Variants in MTMR7 observed in about 807,000 individuals in gnomAD.
The protein encoded by MTMR7 is phosphatidylinositol-3-phosphate phosphatase MTMR7.
A neutral mutation model predicts 81.2 loss-of-function variants in MTMR7; 76 were observed. The observed-to-expected ratio is 0.94, with a 90% CI of 0.78 to 1.13. The LOEUF is 1.13. Among genes scored for constraint, MTMR7 ranks in the 50% most tolerant of loss-of-function variants. MTMR7 has a pLI of 0.00. For missense variants in MTMR7, 1,044 were observed against 820.0 expected, an observed-to-expected ratio of 1.27 and a Z score of -3.34; for synonymous variants, 372 against 289.8, an observed-to-expected ratio of 1.28 and a Z score of -2.88.
chr8:17,371,155 G>A lies in MTMR7; in HGVS notation c.192C>T (p.Thr64=), dbSNP rs749411647. The A allele has an allele frequency of 6.9e-5, 112 of 1,614,042 alleles. 1 individual carries two copies. In the Admixed American group the frequency reaches 1.3e-3, roughly 19 times the overall value. Residue 64 remains threonine, a synonymous_variant, in exon 3 of 14, where the codon ACC becomes ACT. Transcript: ENST00000180173. ...GAATCAGCAGAGGGCATCCGGTAGC[G>A]GTTGTTGCCTGTTTCTCAATGGTGG... The part of the protein sequence containing the change: ...QISTIEKQAT[T]ATGCPLLIRC...
chr8:17,392,680 G>A (rs191694907), intron 1 of MTMR7, among the ~76,000 whole-genome samples: 15 of 152,310 alleles, frequency 9.8e-5, no homozygotes, highest in Admixed American at 3.3e-4. Context: ...TTTTATTAAA[G>A]AACAATATGC....
rs1310147024 is a variant in MTMR7, at chr8:17,408,357, C to G, written c.24+4912G>C. On this transcript the variant is annotated intron_variant, in intron 1 of 13. Transcript: ENST00000180173. ...TGAGCCGAGATTGCGCCACTGCAGT[C>G]CACAGTCCGGCCTGGGCGACAGAGC... 3.7e-5 allele frequency among the ~76,000 whole-genome samples: 2 copies of G among 54,582 alleles called. 1 individual carries two copies. Among genetic ancestry groups the G allele is most frequent in the Non-Finnish European group, 1.2e-4 (2 of 17,266 alleles). The allele number at this position is 54,582 out of a possible 152,430, so 35.8% of individuals were successfully genotyped here. A position where few individuals can be genotyped will look rare whatever the true frequency, so the allele number is the denominator to read the frequency against.
intron 1 of MTMR7, among the ~76,000 whole-genome samples, chr8:17,382,072 C>T (rs1468593220): frequency 6.6e-6 from 1 of 152,326 alleles, no homozygotes; most frequent in Middle Eastern, 3.4e-3. Flanking sequence ...AAAATGCATA[C>T]AATAATGACT....
chr8:17,341,564 G>C, intron 5 of MTMR7, 67 bp from the exon 6 acceptor site: 1 of 1,566,082 alleles, frequency 6.4e-7, no homozygotes, highest in Non-Finnish European at 8.7e-7. Flanking sequence ...CACTCTACGT[G>C]TGTCTCCAGA....
At chr8:17,368,542 G>T (rs1323459773) in intron 3 of MTMR7, among the ~76,000 whole-genome samples, 1 of 152,170 alleles carries the variant, frequency 6.6e-6, no homozygotes, top group Non-Finnish European at 1.5e-5. Flanking sequence ...ATCTTCAGAT[G>T]GTTCTGAAAG....
chr8:17,299,954 T>G lies in MTMR7; in HGVS notation c.1891A>C (p.Ser631Arg). Residue 631 changes from serine to arginine, a missense_variant, in exon 14 of 14, where the codon AGC becomes CGC. By Grantham distance (110) the Ser-to-Arg change is moderately radical. Coordinates refer to ENST00000180173, the MANE Select transcript of MTMR7 (RefSeq NM_004686.5). ...SDQESGVEDL[S>R]CRSPSGGEHA... ...TCACCACCACTTGGAGACCGACAGC[T>G]CAAATCCTCCACCCCGGACTCTTGG... 1 of 1,614,150 alleles carries G rather than the reference T, an allele frequency of 6.2e-7. No homozygotes were observed. The highest frequency in any genetic ancestry group is 8.5e-7 in the Non-Finnish European group (1 of 1,180,012).
chr8:17,341,612 T>G, intron 5 of MTMR7, 115 bp from the exon 6 acceptor site: 1 of 1,299,412 alleles, frequency 7.7e-7, no homozygotes, highest in Middle Eastern at 2.7e-4. Context: ...CCACCTCGGC[T>G]TATGAAAACG....
At chr8:17,353,350 A>G (rs983911756) in intron 4 of MTMR7, among the ~76,000 whole-genome samples, 3 of 152,200 alleles carry the variant, frequency 2.0e-5, no homozygotes, top group Non-Finnish European at 2.9e-5. Flanking sequence ...AAAGTTCCAG[A>G]GATCTATTAT....
chr8:17,382,560 C>T (rs1310419632), intron 1 of MTMR7, among the ~76,000 whole-genome samples: 1 of 152,172 alleles, frequency 6.6e-6, no homozygotes. Context: ...CTATTTAGCA[C>T]ATCCATCCGT....
chr8:17,395,008 CACT>C (rs1821208522), intron 1 of MTMR7, among the ~76,000 whole-genome samples: 1 of 152,078 alleles, frequency 6.6e-6, no homozygotes, highest in Non-Finnish European at 1.5e-5. Flanking sequence ...TAACCATCAC[CACT>C]ATCAATTTCC....
intron 1 of MTMR7, among the ~76,000 whole-genome samples, chr8:17,379,063 A>G (rs1033728808): frequency 4.6e-5 from 7 of 152,196 alleles, no homozygotes; most frequent in African/African-American, 1.7e-4. Context: ...GACAATCAGG[A>G]GATTCTGCTA....
chr8:17,335,468 AGCCTGGTCACT>A (rs973935058), intron 6 of MTMR7, among the ~76,000 whole-genome samples: 2 of 152,204 alleles, frequency 1.3e-5, no homozygotes, highest in African/African-American at 4.8e-5. Context: ...GTTAAAGGTC[AGCCTGGTCACT>A]GCCTTAGTCC....
At chr8:17,333,462 C>T (rs976469573) in intron 6 of MTMR7, among the ~76,000 whole-genome samples, 11 of 152,150 alleles carry the variant, frequency 7.2e-5, no homozygotes, top group African/African-American at 1.7e-4. Flanking sequence ...AGTATCCTTA[C>T]GTGACATGAA....
intron 1 of MTMR7, among the ~76,000 whole-genome samples, chr8:17,377,302 AATATT>A (rs1820619201): frequency 6.6e-6 from 1 of 152,124 alleles, no homozygotes; most frequent in Non-Finnish European, 1.5e-5. Flanking sequence ...ATCCCATTTT[AATATT>A]ATAATACCTT....
At chr8:17,351,457 G>T (rs1297058045) in intron 4 of MTMR7, among the ~76,000 whole-genome samples, 1 of 152,186 alleles carries the variant, frequency 6.6e-6, no homozygotes, top group African/African-American at 2.4e-5. Flanking sequence ...CCAACTCAGG[G>T]CCCTCTTGAT....
At chr8:17,375,773 T>C (rs1160664094) in intron 1 of MTMR7, among the ~76,000 whole-genome samples, 2 of 152,230 alleles carry the variant, frequency 1.3e-5, no homozygotes, top group African/African-American at 4.8e-5. Flanking sequence ...AATAATGTGT[T>C]GCTTCCTTTC....
Position 17,300,115 on chromosome 8 carries a change from T to C in MTMR7, c.1730A>G (p.Asn577Ser), listed in dbSNP as rs781461737. ...GFSTSDNSIA[N>S]TPQDYSGNMK... ...ATTCCCACTGTAATCCTGGGGAGTG[T>C]TGGCTATGCTGTTGTCTGAGGTAGA... Residue 577 changes from asparagine (N) to serine (S), a missense_variant, in exon 14 of 14, where the codon AAC becomes AGC. Transcript: ENST00000180173. The C allele has an allele frequency of 5.0e-6, 8 of 1,614,160 alleles. No individual in the cohort carries two copies. The highest frequency in any genetic ancestry group is 1.1e-5 in the South Asian group (1 of 91,086).
At chr8:17,305,022 C>G (rs1485363061) in intron 11 of MTMR7, among the ~76,000 whole-genome samples, 5 of 152,082 alleles carry the variant, frequency 3.3e-5, no homozygotes, top group Admixed American at 3.3e-4. Context: ...TAGTCAGGTA[C>G]AAGAAAACAG....
chr8:17,379,587 C>A (rs867125351), intron 1 of MTMR7, among the ~76,000 whole-genome samples: 2 of 152,156 alleles, frequency 1.3e-5, no homozygotes, highest in African/African-American at 4.8e-5. Context: ...CCAATCCTAA[C>A]AAACTTTCGC....
Sources: gnomAD v4.1 joint callset for allele counts (sites outside exome capture counted in the v4.1 genomes callset) on GRCh38, gnomAD v4.1.1 for gene constraint, MANE v1.5 for transcripts, NCBI Gene and HGNC (gene_info 2026-07-23, HGNC 2026-07-21) for gene names.